The following GDA variants were observed in gnomAD, a reference collection of about 807,000 sequenced individuals.
GDA encodes the protein guanine deaminase, also known as cytoplasmic PSD-95 interactor.
A neutral mutation model predicts 59.6 loss-of-function variants in GDA; 18 were observed. That is an observed-to-expected ratio of 0.30 (90% confidence interval 0.21 to 0.45). The LOEUF (loss-of-function observed/expected upper bound fraction) is 0.45. GDA is among the 20% of genes least tolerant of loss of function. The pLI is 1.00. For synonymous variants in GDA, 201 were observed against 201.1 expected, an observed-to-expected ratio of 1.00 and a Z score of 0.00; for missense variants, 427 against 552.3, an observed-to-expected ratio of 0.77 and a Z score of 2.27.
chr9:72,177,001 T>G (rs901557330), intron 1 of GDA, among the ~76,000 whole-genome samples: 1 of 151,632 alleles, frequency 6.6e-6, no homozygotes, highest in African/African-American at 2.4e-5. Flanking sequence ...TGCGTAATAG[T>G]GGAGGACTGA....
chr9:72,129,984 A>T (rs1457723973), intron 1 of GDA, among the ~76,000 whole-genome samples: 1 of 152,180 alleles, frequency 6.6e-6, no homozygotes, highest in Non-Finnish European at 1.5e-5. Context: ...CCCATCCTGG[A>T]GATGACTTGT....
chr9:72,126,315 TCATCCACC>T (rs1825846214), intron 1 of GDA, among the ~76,000 whole-genome samples: 1 of 152,184 alleles, frequency 6.6e-6, no homozygotes, highest in South Asian at 2.1e-4. Context: ...GTCCATGTAT[TCATCCACC>T]CATCCAACAG....
At chr9:72,143,066 G>C (rs769160328) in intron 1 of GDA, among the ~76,000 whole-genome samples, 1 of 151,192 alleles carries the variant, frequency 6.6e-6, no homozygotes, top group Non-Finnish European at 1.5e-5. Flanking sequence ...ACTGTACCTG[G>C]CTAGAATACC....
intron 1 of GDA, among the ~76,000 whole-genome samples, chr9:72,143,325 C>A (rs1826509713): frequency 6.6e-6 from 1 of 151,770 alleles, no homozygotes. Flanking sequence ...GACAGGGTTT[C>A]TCCATGTTGG....
In GDA at chr9:72,119,443, G is replaced by A. The variant is rs571396487; in HGVS notation, c.-100+4610G>A. On this transcript the variant is annotated intron_variant, in intron 1 of 13. Coordinates refer to the GDA transcript ENST00000545168. ...CACTTAGGGAGGTCGAGGCTACAGT[G>A]AGCTGTGATCGGGCCACTGCTCTTA... is the stretch of plus-strand genomic sequence containing the variant. Among the ~76,000 whole-genome samples the A allele has an allele frequency of 1.3e-4, 20 of 152,288 alleles. No homozygotes were observed. The East Asian group carries it at 3.9e-3, about 29-fold the overall frequency.
intron 1 of GDA, among the ~76,000 whole-genome samples, chr9:72,131,520 T>G (rs1826025982): frequency 6.6e-6 from 1 of 152,040 alleles, no homozygotes; most frequent in Non-Finnish European, 1.5e-5. Context: ...TCTCCAACAC[T>G]GGGAATTACA....
intron 1 of GDA, among the ~76,000 whole-genome samples, chr9:72,120,259 C>T (rs1459180804): frequency 6.6e-6 from 1 of 151,538 alleles, no homozygotes; most frequent in Non-Finnish European, 1.5e-5. Flanking sequence ...ACGATCTCGG[C>T]TCACTGCAAC....
intron 1 of GDA, among the ~76,000 whole-genome samples, chr9:72,120,750 A>G (rs944456051): frequency 6.6e-6 from 1 of 152,194 alleles, no homozygotes; most frequent in Non-Finnish European, 1.5e-5. Flanking sequence ...GTAGATATTT[A>G]AATTTTTCTA....
At chr9:72,213,311 T>G (rs2131462069) in intron 4 of GDA, among the ~76,000 whole-genome samples, 1 of 152,086 alleles carries the variant, frequency 6.6e-6, no homozygotes, top group Non-Finnish European at 1.5e-5. Context: ...AAAACCCACC[T>G]GACAGCCTGA....
intron 3 of GDA, among the ~76,000 whole-genome samples, chr9:72,203,973 C>G (rs1834345653): frequency 6.6e-6 from 1 of 152,020 alleles, no homozygotes; most frequent in Non-Finnish European, 1.5e-5. Context: ...CCTGCCACCA[C>G]ACCCAGCTAA....
At chr9:72,149,408 G>C, upstream of GDA, 1 of 802,718 alleles carries the variant, frequency 1.2e-6, no homozygotes, top group Non-Finnish European at 1.9e-6. Context: ...GCGGCCTGCA[G>C]GGTACCGGCA....
At chr9:72,200,203 A>G (rs12551494) in intron 2 of GDA, among the ~76,000 whole-genome samples, 54,092 of 151,366 alleles carry the variant, frequency 0.36, 11,463 homozygotes, top group Middle Eastern at 0.54. Flanking sequence ...TCACCGTGTT[A>G]GCCAGGATGG....
In GDA at chr9:72,248,374, A is replaced by G; in HGVS notation, c.*32A>G. The stretch of plus-strand genomic sequence containing the variant: ...CGGGCGTCTACAAAGTTCTCCTGGG[A>G]TTAGCGTGGTTCTGCATCTCCCTTG... On this transcript the variant is annotated 3_prime_UTR_variant, in exon 14 of 14. Coordinates refer to ENST00000358399, the MANE Select transcript of GDA (RefSeq NM_004293.5). The G allele has an allele frequency of 6.2e-7, 1 of 1,613,256 alleles. No homozygotes were observed. The highest frequency in any genetic ancestry group is 8.5e-7 in the Non-Finnish European group (1 of 1,179,470).
At chr9:72,244,266 C>T (rs1839926135) in intron 11 of GDA, among the ~76,000 whole-genome samples, 1 of 152,094 alleles carries the variant, frequency 6.6e-6, no homozygotes, top group South Asian at 2.1e-4. Flanking sequence ...CCCCAGTTTA[C>T]ACCTTCCTCA....
At chr9:72,174,266 G>A (rs1830306656) in intron 1 of GDA, among the ~76,000 whole-genome samples, 1 of 152,168 alleles carries the variant, frequency 6.6e-6, no homozygotes, top group South Asian at 2.1e-4. Flanking sequence ...GGATTTTGCT[G>A]TCTAATAGGA....
chr9:72,162,140 C>T (rs949490940), intron 1 of GDA, among the ~76,000 whole-genome samples: 2 of 152,150 alleles, frequency 1.3e-5, no homozygotes, highest in Non-Finnish European at 2.9e-5. Context: ...TGCCTCCTCA[C>T]CTTCCTGCAG....
rs114866455 is a variant in GDA, at chr9:72,251,487, T to C, written c.*3145T>C. The C allele has an allele frequency of 6.8e-3, 1,038 of 152,304 alleles. 12 individuals carry two copies. The highest frequency in any genetic ancestry group is 0.024 in the African/African-American group (1,002 of 41,576). The allele number at this position is 152,304 out of a possible 1,614,324, so 9.4% of individuals were successfully genotyped here. A position where few individuals can be genotyped will look rare whatever the true frequency, so the allele number is the denominator to read the frequency against. On this transcript the variant is annotated 3_prime_UTR_variant, in exon 14 of 14. Coordinates refer to ENST00000358399, the MANE Select transcript of GDA (RefSeq NM_004293.5). ...CTTCTGGAGACTCTTAGACATCTTT[T>C]CATTGTTGTCCATTTTTAAAGTTGA...
At chr9:72,206,623 A>T (rs1834743917) in intron 3 of GDA, among the ~76,000 whole-genome samples, 1 of 152,066 alleles carries the variant, frequency 6.6e-6, no homozygotes, top group Non-Finnish European at 1.5e-5. Flanking sequence ...AAATACAAAA[A>T]TTAGCCAGGC....
At chr9:72,220,073 A>G (rs1836675848) in intron 6 of GDA, among the ~76,000 whole-genome samples, 4 of 152,236 alleles carry the variant, frequency 2.6e-5, no homozygotes, top group African/African-American at 9.6e-5. Flanking sequence ...ATATGTCTAT[A>G]TACAAACACA....
Sources: gnomAD v4.1 joint callset for allele counts (sites outside exome capture counted in the v4.1 genomes callset) on GRCh38, gnomAD v4.1.1 for gene constraint, MANE v1.5 for transcripts, NCBI Gene and HGNC (gene_info 2026-07-23, HGNC 2026-07-21) for gene names.